Variants in TANC2 observed in about 807,000 individuals in gnomAD.
The protein encoded by TANC2 is tetratricopeptide repeat, ankyrin repeat and coiled-coil containing 2, also known as protein TANC2.
In TANC2, 26 loss-of-function variants were observed where a neutral mutation model predicts 210.5. That is an observed-to-expected ratio of 0.12 (90% confidence interval 0.09 to 0.17). The LOEUF is 0.17. Among genes scored for constraint, TANC2 ranks in the 10% least tolerant of loss-of-function variants. The pLI is 1.00. For synonymous variants in TANC2, 931 were observed against 967.1 expected, an observed-to-expected ratio of 0.96 and a Z score of 0.69; for missense variants, 2,129 against 2,608.9, an observed-to-expected ratio of 0.82 and a Z score of 4.01.
At chr17:63,149,952 G>A (rs1308183105) in intron 4 of TANC2, 1 of 152,010 alleles carries the variant, frequency 6.6e-6, no homozygotes, top group South Asian at 2.1e-4. Context: ...ATACCCTAAG[G>A]TATAAAGCGT....
At chr17:63,326,728 A>AAACAAC (rs371073434) in intron 11 of TANC2, among the ~76,000 whole-genome samples, 2 of 151,904 alleles carry the variant, frequency 1.3e-5, no homozygotes, top group Non-Finnish European at 2.9e-5. Context: ...AGACTGTCAA[A>AAACAAC]AACAACAACA....
chr17:63,280,341 T>C (rs1291082799), intron 9 of TANC2, among the ~76,000 whole-genome samples: 2 of 152,134 alleles, frequency 1.3e-5, no homozygotes, highest in Non-Finnish European at 2.9e-5. Flanking sequence ...CAGATATGTT[T>C]TTTAATTGTT....
At chr17:63,375,565 T>C (rs187927012) in intron 14 of TANC2, among the ~76,000 whole-genome samples, 113 of 152,340 alleles carry the variant, frequency 7.4e-4, no homozygotes, top group African/African-American at 2.5e-3. Context: ...CAGAGACTTA[T>C]ATTCAGAAGT....
chr17:63,354,274 G>T (rs1219340000), intron 13 of TANC2, among the ~76,000 whole-genome samples: 1 of 152,176 alleles, frequency 6.6e-6, no homozygotes. Context: ...TTCGGCTAAG[G>T]TATCTCCAGA....
chr17:63,320,563 A>ATG (rs1322861763), intron 11 of TANC2: 2 of 152,192 alleles, frequency 1.3e-5, no homozygotes, highest in Non-Finnish European at 2.9e-5. Context: ...TTCTATGCTT[A>ATG]TACTTGCTTA....
At chr17:62,996,293 G>A (rs1434421555) in intron 1 of TANC2, among the ~76,000 whole-genome samples, 1 of 152,164 alleles carries the variant, frequency 6.6e-6, no homozygotes, top group East Asian at 1.9e-4. Flanking sequence ...CTGTAACCCA[G>A]CTTAATAGGC....
At chr17:63,093,465 A>G (rs2037278185) in intron 3 of TANC2, among the ~76,000 whole-genome samples, 1 of 152,016 alleles carries the variant, frequency 6.6e-6, no homozygotes, top group Non-Finnish European at 1.5e-5. Flanking sequence ...TGTTTCATTC[A>G]TTTTGTGTCC....
intron 2 of TANC2, among the ~76,000 whole-genome samples, chr17:63,067,522 GA>G (rs2036245570): frequency 6.6e-6 from 1 of 151,024 alleles, no homozygotes; most frequent in Non-Finnish European, 1.5e-5. Context: ...TTCCCAATGG[GA>G]AAAAAATTAA....
At chr17:63,158,271 G>A (rs2039906968) in intron 5 of TANC2, among the ~76,000 whole-genome samples, 1 of 152,108 alleles carries the variant, frequency 6.6e-6, no homozygotes, top group Non-Finnish European at 1.5e-5. Context: ...CACTCCATAA[G>A]GTGTTTGTGA....
intron 1 of TANC2, among the ~76,000 whole-genome samples, chr17:62,977,788 C>T (rs188044174): frequency 7.9e-5 from 12 of 152,238 alleles, no homozygotes; most frequent in African/African-American, 1.2e-4. Context: ...CCTCTCCCCT[C>T]GGGTTTCTCC....
intron 2 of TANC2, among the ~76,000 whole-genome samples, chr17:63,018,883 A>G (rs1310500473): frequency 6.6e-6 from 1 of 152,142 alleles, no homozygotes; most frequent in Non-Finnish European, 1.5e-5. Flanking sequence ...GTGTATCAAT[A>G]TTTGTTGCTT....
At chr17:63,217,328 A>G (rs2042050772) in intron 7 of TANC2, among the ~76,000 whole-genome samples, 1 of 152,214 alleles carries the variant, frequency 6.6e-6, no homozygotes, top group Admixed American at 6.5e-5. Context: ...AAAAAAGAAG[A>G]TACAAATTAC....
At chr17:63,247,488 T>TG (rs1555615334) in intron 8 of TANC2, among the ~76,000 whole-genome samples, 4 of 149,632 alleles carry the variant, frequency 2.7e-5, no homozygotes, top group African/African-American at 9.8e-5. Context: ...CTACTCATGT[T>TG]AAAAAAAAAA....
intron 10 of TANC2, among the ~76,000 whole-genome samples, chr17:63,318,371 G>A (rs2045381750): frequency 6.6e-6 from 1 of 152,128 alleles, no homozygotes; most frequent in African/African-American, 2.4e-5. Context: ...CCCATTTAAA[G>A]CGTTCAACTC....
At chr17:63,250,282 G>GTATTTATT (rs372173982) in intron 8 of TANC2, among the ~76,000 whole-genome samples, 6,144 of 150,754 alleles carry the variant, frequency 0.041, 395 homozygotes, top group African/African-American at 0.13. Flanking sequence ...AAATATTATA[G>GTATTTATT]TATTTATTTA....
chr17:63,094,156 G>T (rs73991884), intron 3 of TANC2, among the ~76,000 whole-genome samples: 1 of 151,808 alleles, frequency 6.6e-6, no homozygotes, highest in Non-Finnish European at 1.5e-5. Flanking sequence ...TTTTCTTATA[G>T]CTTTTTTGTA....
chr17:63,252,897 AGG>A (rs1288887993), intron 8 of TANC2, among the ~76,000 whole-genome samples: 56 of 152,162 alleles, frequency 3.7e-4, no homozygotes, highest in Admixed American at 6.5e-4. Context: ...ATGGACACTT[AGG>A]TTTCTTCCAA....
At chr17:63,384,793 A>G (rs2047725957) in intron 15 of TANC2, among the ~76,000 whole-genome samples, 2 of 152,194 alleles carry the variant, frequency 1.3e-5, no homozygotes, top group East Asian at 1.9e-4. Context: ...ATTAAAAAGG[A>G]CAATTTTGGA....
intron 9 of TANC2, among the ~76,000 whole-genome samples, chr17:63,287,648 A>G (rs749317613): frequency 5.3e-5 from 8 of 151,828 alleles, no homozygotes; most frequent in Non-Finnish European, 1.0e-4. Flanking sequence ...CTTCTGAGAT[A>G]AGACCCTTCT....
Sources: gnomAD v4.1 joint callset for allele counts (sites outside exome capture counted in the v4.1 genomes callset) on GRCh38, gnomAD v4.1.1 for gene constraint, MANE v1.5 for transcripts, NCBI Gene and HGNC (gene_info 2026-07-23, HGNC 2026-07-21) for gene names.